Variants in PRAG1 observed in about 807,000 individuals in gnomAD.
PRAG1 encodes the protein PEAK1 related, kinase-activating pseudokinase 1.
In PRAG1, 110 loss-of-function variants were observed where a neutral mutation model predicts 95.6. That is an observed-to-expected ratio of 1.15 (90% CI 0.99 to 1.35). PRAG1 has a LOEUF of 1.35. PRAG1 is among the 40% of genes most tolerant of loss of function. PRAG1 has a pLI of 0.00. For missense variants in PRAG1, 2,554 were observed against 1,864.7 expected, an observed-to-expected ratio of 1.37 and a Z score of -6.81; for synonymous variants, 1,052 against 819.4, an observed-to-expected ratio of 1.28 and a Z score of -4.85.
At chr8:8,365,452 G>A (rs547564337) in intron 3 of PRAG1, among the ~76,000 whole-genome samples, 3 of 150,054 alleles carry the variant, frequency 2.0e-5, no homozygotes, top group South Asian at 2.1e-4. Context: ...GAGAAACCCC[G>A]TCTCTACTAA....
At chr8:8,363,331 A>G (rs1563248369) in intron 3 of PRAG1, among the ~76,000 whole-genome samples, 1 of 152,190 alleles carries the variant, frequency 6.6e-6, no homozygotes, top group African/African-American at 2.4e-5. Flanking sequence ...AAGACCAAAT[A>G]TGTATTTCAC....
intron 3 of PRAG1, among the ~76,000 whole-genome samples, chr8:8,368,326 G>A (rs1465318834): frequency 6.6e-6 from 1 of 152,200 alleles, no homozygotes; most frequent in Admixed American, 6.5e-5. Context: ...GCATCAGACT[G>A]AAGCTAATTA....
rs536879332 is a variant in PRAG1 at position 8,339,112 on chromosome 8, G to A, written c.2320+366C>T. Among the ~76,000 whole-genome samples, 3 of 152,208 alleles carry A rather than the reference G, an allele frequency of 2.0e-5. No homozygotes were observed. The East Asian group carries it at 5.8e-4, about 29-fold the overall frequency. ...TGTAGATGCAAAAGAGAGAGAGAGA[G>A]AGAGAGAGAAAGAGATAGTGAGAAT... On this transcript the variant is annotated intron_variant, in intron 4 of 5. Transcript: ENST00000615670.
chr8:8,349,495 G>A (rs577749240), intron 3 of PRAG1, among the ~76,000 whole-genome samples: 4 of 152,086 alleles, frequency 2.6e-5, no homozygotes, highest in South Asian at 2.1e-4. Flanking sequence ...TGTTAGCCAG[G>A]ATGGTCTCGA....
Position 8,377,735 on chromosome 8 carries a change from G to A in PRAG1, c.674C>T (p.Pro225Leu), listed in dbSNP as rs764657134. The change falls in exon 3 of 6, where the codon CCT becomes CTT. Residue 225 changes from proline to leucine, a missense_variant. Physicochemically the swap from Pro to Leu is moderately conservative, Grantham distance 98. Transcript: ENST00000615670. ...GGGCAGGGATTCCCGCAGGGGCCCA[G>A]GGCCCTGGTGACAGCCAGATGTGGT... Reference protein sequence around the residue: ...AGTTSGCHQGPGPLRESLPSE... With the variant: ...AGTTSGCHQGLGPLRESLPSE... 11 of 1,613,942 alleles carry A rather than the reference G, an allele frequency of 6.8e-6. No individual in the cohort carries two copies. Among genetic ancestry groups the A allele is most frequent in the Non-Finnish European group, 8.5e-6 (10 of 1,180,024 alleles).
At position 8,318,574 on chromosome 8, in the gene PRAG1, T is replaced by C; in HGVS notation, c.3801A>G (p.Gln1267=). 6.2e-7 allele frequency: 1 copy of C among 1,613,124 alleles called. No homozygotes were observed. Among genetic ancestry groups the C allele is most frequent in the Non-Finnish European group, 8.5e-7 (1 of 1,179,824 alleles). Residue 1267 remains glutamine, a synonymous_variant, in exon 6 of 6, where the codon CAA becomes CAG. Coordinates refer to ENST00000615670, the MANE Select transcript of PRAG1 (RefSeq NM_001080826.3). This position sits in a 1 kb window ranked among gnomAD's most constrained non-coding sequence, Gnocchi z 4.2. The stretch of plus-strand genomic sequence containing the variant: ...GGGCGCGCACCTCGAACGGGTTGGG[T>C]TGGTGCAGCAGCTCGTAGATGAGGA... ...TGILIYELLH[Q]PNPFEVRAQL... is the part of the protein sequence containing the mutation.
At chr8:8,334,074 C>G (rs1227660027) in intron 4 of PRAG1, among the ~76,000 whole-genome samples, 1 of 152,170 alleles carries the variant, frequency 6.6e-6, no homozygotes, top group African/African-American at 2.4e-5. Context: ...CCTCTGAAGG[C>G]AAGTTTTGCA....
At chr8:8,363,916 G>A (rs1799924066) in intron 3 of PRAG1, among the ~76,000 whole-genome samples, 1 of 151,996 alleles carries the variant, frequency 6.6e-6, no homozygotes, top group Non-Finnish European at 1.5e-5. Flanking sequence ...CATGTTTCTG[G>A]ACATATTTCT....
chr8:8,318,652 G>A lies in PRAG1; in HGVS notation c.3723C>T (p.Pro1241=). 3.7e-6 allele frequency: 6 copies of A among 1,612,174 alleles called. No homozygotes were observed. The highest frequency in any genetic ancestry group is 1.3e-5 in the African/African-American group (1 of 74,922). Residue 1241 remains proline (P), a synonymous_variant, in exon 6 of 6, where the codon CCC becomes CCT. Transcript: ENST00000615670. The surrounding 1 kb of genome is among the most constrained non-coding windows in gnomAD (Gnocchi z 4.2). ...QQKKSQARLA[P]EIVSASQYRK... ...GGTACTGGGAAGCAGACACGATCTC[G>A]GGGGCCAGCCGGGCCTGGCTCTTCT...
chr8:8,333,938 C>T (rs1798902917), intron 4 of PRAG1, among the ~76,000 whole-genome samples: 2 of 152,236 alleles, frequency 1.3e-5, no homozygotes, highest in African/African-American at 4.8e-5. Context: ...TCTGCACGGG[C>T]ACCTTGCCAA....
At chr8:8,373,052 G>A (rs1563253344) in intron 3 of PRAG1, among the ~76,000 whole-genome samples, 1 of 152,188 alleles carries the variant, frequency 6.6e-6, no homozygotes, top group African/African-American at 2.4e-5. Context: ...AAGAAATCAG[G>A]TTGACCTTGT....
chr8:8,371,013 G>A (rs1231332390), intron 3 of PRAG1, among the ~76,000 whole-genome samples: 1 of 151,506 alleles, frequency 6.6e-6, no homozygotes, highest in Non-Finnish European at 1.5e-5. Flanking sequence ...TGGCGCACCT[G>A]TAATCCCAGT....
Position 8,376,808 on chromosome 8 carries a change from C to G in PRAG1, c.1601G>C (p.Ser534Thr). 4 of 1,611,908 alleles carry G rather than the reference C, an allele frequency of 2.5e-6. No homozygotes were observed. Among genetic ancestry groups the G allele is most frequent in the Non-Finnish European group, 3.4e-6 (4 of 1,179,800 alleles). ...SSRESHAHSA[S>T]ESKPKERPAI... ...GGGCCTCTCCTTGGGCTTGCTCTCGCTGGCACTGTGAGCATGGCTTTCCCT... is the reference window on the plus strand; with the variant it reads ...GGGCCTCTCCTTGGGCTTGCTCTCGGTGGCACTGTGAGCATGGCTTTCCCT... The change falls in exon 3 of 6, where the codon AGC becomes ACC. Residue 534 changes from serine (S) to threonine (T), a missense_variant. Ser to Thr is a moderately conservative substitution (Grantham distance 58, BLOSUM62 1). Coordinates refer to ENST00000615670, the MANE Select transcript of PRAG1 (RefSeq NM_001080826.3).
rs998497047 is a variant in PRAG1, at chr8:8,385,716, T to C, written c.-88+605A>G. 5.9e-5 allele frequency among the ~76,000 whole-genome samples: 9 copies of C among 152,172 alleles called. No homozygotes were observed. The South Asian group carries it at 1.7e-3, about 28-fold the overall frequency. The stretch of plus-strand genomic sequence containing the variant: ...CGCTGCGAATGCCCGGCCGCCTCCA[T>C]GCCCAGCAGAGGATTCTATGTTCTA... On this transcript the variant is annotated intron_variant, in intron 1 of 5. Transcript: ENST00000615670.
chr8:8,353,979 A>G (rs555162686), intron 3 of PRAG1, among the ~76,000 whole-genome samples: 1 of 152,256 alleles, frequency 6.6e-6, no homozygotes, highest in East Asian at 1.9e-4. Flanking sequence ...ATAAGGAAAA[A>G]AAAAGTCAAT....
chr8:8,333,888 G>A (rs1798900546), intron 4 of PRAG1, among the ~76,000 whole-genome samples: 1 of 152,216 alleles, frequency 6.6e-6, no homozygotes, highest in Non-Finnish European at 1.5e-5. Flanking sequence ...TGGGGCCCTA[G>A]TGCAATTCTC....
intron 2 of PRAG1, 86 bp from the exon 3 acceptor site, chr8:8,378,164 C>G: frequency 1.4e-6 from 2 of 1,446,200 alleles, no homozygotes; most frequent in Admixed American, 2.3e-5. Context: ...GGAAGGGCAA[C>G]GATACTGTAG....
Position 8,382,185 on chromosome 8 carries a change from C to T in PRAG1, c.-87-351G>A, listed in dbSNP as rs183983954. Among the ~76,000 whole-genome samples, 229 of 152,242 alleles carry T rather than the reference C, an allele frequency of 1.5e-3. 1 individual carries two copies. The highest frequency in any genetic ancestry group is 2.8e-3 in the Non-Finnish European group (191 of 68,024). On this transcript the variant is annotated intron_variant, in intron 1 of 5. Transcript: ENST00000615670. ...TAGGGTTTAAGATGAGAAGCTGGTA[C>T]GTCATCCATGTATTCCCTGACACCG... is the stretch of plus-strand genomic sequence containing the variant.
rs1158165514 is a variant in PRAG1, at chr8:8,367,458, CAAAAAAAAAAAAAAAAAAAAAAAAAA to C, written c.2162+8763_2162+8788del. ...AGGTGAAAGGAGCAAGACTCCATCT[CAAAAAAAAAAAAAAAAAAAAAAAAAA>C]AAAAAAAAAAAAAAGAATCGCGTTA... On this transcript the variant is annotated intron_variant, in intron 3 of 5. Transcript: ENST00000615670. Among the ~76,000 whole-genome samples, 11 of 26,250 alleles carry C rather than the reference CAAAAAAAAAAAAAAAAAAAAAAAAAA, an allele frequency of 4.2e-4. 1 individual carries two copies. In the East Asian group the frequency reaches 4.6e-3, roughly 11 times the overall value. 17.2% of individuals were successfully genotyped at this position (26,250 alleles called of 152,430 possible).
Sources: gnomAD v4.1 joint callset for allele counts (sites outside exome capture counted in the v4.1 genomes callset) on GRCh38, gnomAD v4.1.1 for gene constraint, Gnocchi (gnomAD v3.1) non-coding constraint, MANE v1.5 for transcripts, NCBI Gene and HGNC (gene_info 2026-07-23, HGNC 2026-07-21) for gene names.